The following FLT4 variants were observed in gnomAD, a reference collection of about 807,000 sequenced individuals.
FLT4 encodes vascular endothelial growth factor receptor 3.
FLT4 carries 30 observed loss-of-function variants against 163.2 expected under a neutral mutation model. That is an observed-to-expected ratio of 0.18 (90% CI 0.14 to 0.25). The LOEUF (loss-of-function observed/expected upper bound fraction) is 0.25, where lower values mean the gene tolerates loss of function less well. Ranked by LOEUF, FLT4 falls within the 10% of genes least tolerant of loss-of-function variation. The pLI is 1.00. For synonymous variants in FLT4, 884 were observed against 789.5 expected, an observed-to-expected ratio of 1.12 and a Z score of -2.01; for missense variants, 1,510 against 1,863.8, an observed-to-expected ratio of 0.81 and a Z score of 3.50.
intron 7 of FLT4, 104 bp from the exon 8 acceptor site, chr5:180,629,103 G>A (rs1763880951): frequency 3.5e-6 from 5 of 1,438,738 alleles, no homozygotes; most frequent in Admixed American, 1.7e-5. Context: ...GACATCCGCA[G>A]ACTGGGGCTG....
intron 10 of FLT4, 29 bp downstream of exon 10, chr5:180,625,836 GTGCA>G (rs762023208): frequency 6.6e-7 from 1 of 1,518,962 alleles, no homozygotes; most frequent in East Asian, 3.5e-5. Context: ...GGCTGTGGCT[GTGCA>G]GGGGACCTGA....
At chr5:180,624,861 G>A (rs1386716701) in intron 10 of FLT4, among the ~76,000 whole-genome samples, 1 of 152,250 alleles carries the variant, frequency 6.6e-6, no homozygotes, top group African/African-American at 2.4e-5. Context: ...CCCCAAGGGA[G>A]GCTCATATCT....
At chr5:180,648,021 T>TC (rs1282063826) in intron 1 of FLT4, among the ~76,000 whole-genome samples, 1 of 152,050 alleles carries the variant, frequency 6.6e-6, no homozygotes, top group East Asian at 1.9e-4. Context: ...GTCTCTCTCT[T>TC]CCTCTCCAGC....
chr5:180,643,846 G>C (rs545773731), intron 1 of FLT4, among the ~76,000 whole-genome samples: 1 of 151,376 alleles, frequency 6.6e-6, no homozygotes, highest in East Asian at 1.9e-4. Context: ...TTTTGAAGTG[G>C]AGTCTCGCCC....
At chr5:180,638,291 C>T (rs1044845789) in intron 1 of FLT4, among the ~76,000 whole-genome samples, 2 of 152,166 alleles carry the variant, frequency 1.3e-5, no homozygotes, top group African/African-American at 4.8e-5. Flanking sequence ...TGCAGACGTG[C>T]ACCCCCTCCA....
In FLT4 at chr5:180,620,653, A is replaced by C. The variant is rs1763058048; in HGVS notation, c.2362T>G (p.Phe788Val). The change falls in exon 16 of 30, where the codon TTC (phenylalanine) becomes GTC (valine). Residue 788 changes from phenylalanine to valine, a missense_variant. Transcript: ENST00000261937. The surrounding 1 kb of genome is among the most constrained non-coding windows in gnomAD (Gnocchi z 4.4). ...ILVGTGVIAV[F>V]FWVLLLLIFC... ...ATGAGGAGGAGGAGGACCCAGAAGAAGACAGCGATGACGCCGGTACCGACA... is the reference window on the plus strand; with the variant it reads ...ATGAGGAGGAGGAGGACCCAGAAGACGACAGCGATGACGCCGGTACCGACA... 3.7e-6 allele frequency: 6 copies of C among 1,613,412 alleles called. No individual in the cohort carries two copies. The highest frequency in any genetic ancestry group is 1.3e-5 in the African/African-American group (1 of 74,910).
upstream of FLT4, among the ~76,000 whole-genome samples, chr5:180,650,081 G>A (rs568075874): frequency 2.0e-5 from 3 of 151,362 alleles, no homozygotes; most frequent in African/African-American, 4.9e-5. Context: ...CAGCTTCTCG[G>A]GGGGGCTGAG....
Position 180,609,920 on chromosome 5 carries a change from G to A in FLT4, c.3792C>T (p.Thr1264=), listed in dbSNP as rs752325680. 3 of 1,614,182 alleles carry A rather than the reference G, an allele frequency of 1.9e-6. No individual in the cohort carries two copies. In the South Asian group the frequency reaches 3.3e-5, roughly 18 times the overall value. ...TFEEFPMTPT[T]YKGSVDNQTD... ...TGTGAAGTACCACAGAGCCTTTGTA[G>A]GTCGTTGGGGTCATGGGGAATTCCT... Residue 1264 remains threonine, a synonymous_variant, in exon 28 of 30, where the codon ACC becomes ACT. Transcript: ENST00000261937.
In FLT4 at chr5:180,618,802, C is replaced by T. The variant is rs750061747; in HGVS notation, c.2969G>A (p.Gly990Asp). 22 of 1,588,024 alleles carry T rather than the reference C, an allele frequency of 1.4e-5. No individual in the cohort carries two copies. The highest frequency in any genetic ancestry group is 3.5e-5 in the Admixed American group (2 of 57,040). Residue 990 changes from glycine (G) to aspartate (D), a missense_variant, in exon 21 of 30, where the codon GGC (glycine) becomes GAC (aspartate). Gly to Asp is a moderately conservative substitution (Grantham distance 94, BLOSUM62 -1). Around this residue, in one of 5 missense-constraint regions of FLT4, gnomAD observed 878 missense variants for 1,016.7 expected, o/e 0.86. Coordinates refer to ENST00000261937, the MANE Select transcript of FLT4 (RefSeq NM_182925.5). ...GTCTGGAGAAGCCCGCCTCGCTCCG[C>T]CCTCGGTCTTCGAGAACCGCGCGAA... ...VLFARFSKTE[G>D]GARRASPDQE...
intron 23 of FLT4, among the ~76,000 whole-genome samples, chr5:180,615,534 C>T (rs111734322): frequency 1.3e-3 from 40 of 30,124 alleles, no homozygotes; most frequent in East Asian, 2.8e-3. Context: ...CACTTCCTTT[C>T]GGAGCACTGG....
rs200763913 is a variant in FLT4, at chr5:180,626,236, C to T, written c.1133G>A (p.Arg378His). ...WYKDGKALSG[R>H]HSPHALVLKE... is the part of the protein sequence containing the mutation. ...GAGCACCAGGGCATGTGGACTGTGG[C>T]GCCCGGACAGTGCCTTTCCATCCTT... The change falls in exon 9 of 30, where the codon CGC (arginine) becomes CAC (histidine). Residue 378 changes from arginine to histidine, a missense_variant. By Grantham distance (29) the Arg-to-His change is conservative. Transcript: ENST00000261937. The T allele has an allele frequency of 2.4e-4, 391 of 1,612,704 alleles. 2 individuals are homozygous for T. Among genetic ancestry groups the T allele is most frequent in the South Asian group, 8.2e-4 (75 of 91,078 alleles).
chr5:180,647,024 C>T lies in FLT4; in HGVS notation c.58+2464G>A, dbSNP rs189506286. Among the ~76,000 whole-genome samples the T allele has an allele frequency of 4.8e-3, 731 of 152,218 alleles. 5 individuals are homozygous for T. The highest frequency in any genetic ancestry group is 0.017 in the African/African-American group (693 of 41,510). On this transcript the variant is annotated intron_variant, in intron 1 of 29. Coordinates refer to ENST00000261937, the MANE Select transcript of FLT4 (RefSeq NM_182925.5). ...CCAAGTAAAGTGGGCCTGATCCCCA[C>T]ATCCTGCCTGCAGTGACTTGCATCC...
At chr5:180,644,979 G>A (rs1765409114) in intron 1 of FLT4, among the ~76,000 whole-genome samples, 2 of 152,234 alleles carry the variant, frequency 1.3e-5, no homozygotes, top group African/African-American at 4.8e-5. Flanking sequence ...CTCCCAAAGG[G>A]CACGTCCAGG....
intron 1 of FLT4, among the ~76,000 whole-genome samples, chr5:180,638,432 C>T (rs1442222070): frequency 6.6e-6 from 1 of 152,226 alleles, no homozygotes; most frequent in Non-Finnish European, 1.5e-5. Flanking sequence ...CTCACTGGGG[C>T]CAGCACAGCT....
rs543104016 is a variant in FLT4, at chr5:180,621,726, G to A, written c.1836C>T (p.Asn612=). ...CCAGAGGGGTGGCGAACAGATGCAC[G>A]TTCTTGCAGTCGAGCAGAAGCGGGT... ...HGNPLLLDCK[N]VHLFATPLAA... is the part of the protein sequence containing the mutation. The change falls in exon 13 of 30, where the codon AAC becomes AAT. Residue 612 remains asparagine, a synonymous_variant. Transcript: ENST00000261937. 1.3e-5 allele frequency: 21 copies of A among 1,613,042 alleles called. 1 individual carries two copies. In the Middle Eastern group the frequency reaches 6.6e-4, roughly 51 times the overall value.
chr5:180,606,639 T>C (rs11955717), intron 29 of FLT4, among the ~76,000 whole-genome samples: 47,550 of 152,120 alleles, frequency 0.31, 7,553 homozygotes, highest in Middle Eastern at 0.4. Flanking sequence ...TCATTCTCTG[T>C]GACACCTTTT....
rs1765648739 is a variant in FLT4, at chr5:180,649,578, G to C, written c.-33C>G. 7.4e-7 allele frequency: 1 copy of C among 1,353,136 alleles called. No individual in the cohort carries two copies. The highest frequency in any genetic ancestry group is 9.6e-7 in the Non-Finnish European group (1 of 1,046,096). The allele number at this position is 1,353,136 out of a possible 1,614,324, so 83.8% of individuals were successfully genotyped here. A position where few individuals can be genotyped will look rare whatever the true frequency, so the allele number is the denominator to read the frequency against. On this transcript the variant is annotated 5_prime_UTR_variant, in exon 1 of 30. Transcript: ENST00000261937. ...CGCTGCGCGTGGGTCCGACCCGAGCGGCCGCGGCTCGGGGCTGAAAGTGTC... is the reference window on the plus strand; with the variant it reads ...CGCTGCGCGTGGGTCCGACCCGAGCCGCCGCGGCTCGGGGCTGAAAGTGTC...
At chr5:180,610,170 G>T in intron 27 of FLT4, 145 bp from the exon 28 acceptor site, 1 of 1,124,842 alleles carries the variant, frequency 8.9e-7, no homozygotes, top group Non-Finnish European at 1.3e-6. Flanking sequence ...CCTGAGTGCT[G>T]GCAGGGGCTC....
In FLT4 at chr5:180,625,881, G is replaced by A. The variant is rs778084758; in HGVS notation, c.1409C>T (p.Ala470Val). 1.4e-5 allele frequency: 23 copies of A among 1,611,588 alleles called. No individual in the cohort carries two copies. The highest frequency in any genetic ancestry group is 4.2e-6 in the Non-Finnish European group (5 of 1,179,904). ...WRPWTPCKMF[A>V]QRSLRRRQQQ... Reference sequence around the variant, plus strand: ...GAGCTGTACTCACAGACTACGCTGGGCAAACATCTTGCAGGGTGTCCAGGG... The same window carrying A: ...GAGCTGTACTCACAGACTACGCTGGACAAACATCTTGCAGGGTGTCCAGGG... The change falls in exon 10 of 30, where the codon GCC becomes GTC. Residue 470 changes from alanine (A) to valine (V), a missense_variant. Around this residue, in one of 5 missense-constraint regions of FLT4, gnomAD observed 878 missense variants for 1,016.7 expected, o/e 0.86. Coordinates refer to ENST00000261937, the MANE Select transcript of FLT4 (RefSeq NM_182925.5).
Sources: gnomAD v4.1 joint callset for allele counts (sites outside exome capture counted in the v4.1 genomes callset) on GRCh38, gnomAD v4.1.1 for gene constraint, gnomAD v4.1.1 regional missense constraint, Gnocchi (gnomAD v3.1) non-coding constraint, MANE v1.5 for transcripts, NCBI Gene and HGNC (gene_info 2026-07-23, HGNC 2026-07-21) for gene names.